Variants in GRIK2 observed in about 807,000 individuals in gnomAD.
GRIK2 encodes the protein glutamate receptor ionotropic, kainate 2.
Under a neutral mutation model 100.3 loss-of-function variants are expected in GRIK2, and 32 were observed. That is an observed-to-expected ratio of 0.32 (90% CI 0.24 to 0.43). GRIK2 has a LOEUF of 0.43. Ranked by LOEUF, GRIK2 falls within the 20% of genes least tolerant of loss-of-function variation. The pLI is 1.00. For missense variants in GRIK2, 843 were observed against 1,114.9 expected (o/e 0.76, Z 3.47); for synonymous variants, 417 against 389.4 (o/e 1.07, Z -0.83).
chr6:101,572,434 A>T (rs1032140640), intron 2 of GRIK2, among the ~76,000 whole-genome samples: 2 of 152,286 alleles, frequency 1.3e-5, no homozygotes, highest in East Asian at 1.9e-4. Context: ...AGTGTGCGTA[A>T]TACAATATGC....
intron 7 of GRIK2, among the ~76,000 whole-genome samples, chr6:101,772,034 A>G (rs1414428553): frequency 6.6e-6 from 1 of 152,154 alleles, no homozygotes; most frequent in Non-Finnish European, 1.5e-5. Context: ...CTTTTAAAGT[A>G]CAGGATAATT....
chr6:101,572,767 T>C (rs1777600290), intron 2 of GRIK2, among the ~76,000 whole-genome samples: 1 of 149,882 alleles, frequency 6.7e-6, no homozygotes, highest in Non-Finnish European at 1.5e-5. Flanking sequence ...TTTTTTTTTT[T>C]TTTTAGAATC....
chr6:101,757,604 C>T (rs1777217814), intron 7 of GRIK2, among the ~76,000 whole-genome samples: 2 of 152,096 alleles, frequency 1.3e-5, no homozygotes, highest in East Asian at 1.9e-4. Context: ...AGGGGATGAG[C>T]GATTCGCCTA....
chr6:101,674,377 G>A (rs979748318), intron 4 of GRIK2, among the ~76,000 whole-genome samples: 1 of 152,188 alleles, frequency 6.6e-6, no homozygotes, highest in Non-Finnish European at 1.5e-5. Context: ...CTGACTTACT[G>A]CAAGAATACT....
At chr6:101,565,980 CTG>C (rs1490755662) in intron 2 of GRIK2, among the ~76,000 whole-genome samples, 33 of 136,314 alleles carry the variant, frequency 2.4e-4, no homozygotes, top group Middle Eastern at 4.0e-3. Context: ...AGAAAAGAAA[CTG>C]TTATTAAAAT....
intron 2 of GRIK2, among the ~76,000 whole-genome samples, chr6:101,540,155 A>T (rs1042334689): frequency 6.6e-6 from 1 of 151,788 alleles, no homozygotes; most frequent in South Asian, 2.1e-4. Flanking sequence ...GAAGATATAC[A>T]TTCTTTTGCA....
chr6:101,758,857 AAAAT>A (rs1417030212), intron 7 of GRIK2, among the ~76,000 whole-genome samples: 1 of 150,850 alleles, frequency 6.6e-6, no homozygotes, highest in East Asian at 1.9e-4. Context: ...TTTTGGAGAC[AAAAT>A]AAATAAACTT....
chr6:101,718,088 G>A (rs1243646554), intron 7 of GRIK2, among the ~76,000 whole-genome samples: 1 of 151,592 alleles, frequency 6.6e-6, no homozygotes, highest in Non-Finnish European at 1.5e-5. Context: ...GATTTACAAT[G>A]TTTATTTTTA....
chr6:101,683,143 C>CA (rs1261338286), intron 6 of GRIK2, among the ~76,000 whole-genome samples: 1 of 151,382 alleles, frequency 6.6e-6, no homozygotes, highest in Admixed American at 6.6e-5. Flanking sequence ...GCGGAGGTTG[C>CA]AGTGAGCCAA....
At chr6:102,044,775 G>A (rs1582779279) in intron 15 of GRIK2, among the ~76,000 whole-genome samples, 1 of 151,944 alleles carries the variant, frequency 6.6e-6, no homozygotes, top group Non-Finnish European at 1.5e-5. Flanking sequence ...ATACAAACAA[G>A]TTGGGTTTCC....
intron 14 of GRIK2, among the ~76,000 whole-genome samples, chr6:101,934,247 C>A (rs141157468): frequency 1.1e-4 from 16 of 151,914 alleles, no homozygotes; most frequent in African/African-American, 3.9e-4. Context: ...CATAAACCAT[C>A]GTTACTCAAA....
chr6:101,423,476 T>C (rs1291674119), intron 2 of GRIK2, among the ~76,000 whole-genome samples: 1 of 152,170 alleles, frequency 6.6e-6, no homozygotes, highest in Non-Finnish European at 1.5e-5. Context: ...ATGTATTTAT[T>C]TTTGAAAGTA....
intron 4 of GRIK2, among the ~76,000 whole-genome samples, chr6:101,657,158 C>T (rs2128331648): frequency 6.6e-6 from 1 of 152,260 alleles, no homozygotes; most frequent in South Asian, 2.1e-4. Context: ...TGTGTCCTCA[C>T]CCAAATCTCA....
chr6:101,808,911 G>GA (rs944010487), intron 9 of GRIK2, among the ~76,000 whole-genome samples: 1 of 150,998 alleles, frequency 6.6e-6, no homozygotes, highest in African/African-American at 2.4e-5. Context: ...TATCCTTTGG[G>GA]AAAATCTTAA....
At chr6:101,674,808 T>G (rs73510639) in intron 4 of GRIK2, among the ~76,000 whole-genome samples, 16,870 of 152,226 alleles carry the variant, frequency 0.11, 1,263 homozygotes, top group East Asian at 0.3. Context: ...AGAAGCTGTA[T>G]AACTTACAGT....
chr6:101,524,402 A>C (rs1775042038), intron 2 of GRIK2, among the ~76,000 whole-genome samples: 1 of 152,032 alleles, frequency 6.6e-6, no homozygotes, highest in Admixed American at 6.6e-5. Flanking sequence ...ATATATATAT[A>C]TATCAATCAC....
chr6:101,710,815 G>A (rs1773650067), intron 7 of GRIK2, among the ~76,000 whole-genome samples: 1 of 151,810 alleles, frequency 6.6e-6, no homozygotes, highest in South Asian at 2.1e-4. Flanking sequence ...TGTGGAAAAA[G>A]TGAGGGAAAT....
chr6:102,016,479 T>G (rs1412698785), intron 14 of GRIK2, among the ~76,000 whole-genome samples: 1 of 151,650 alleles, frequency 6.6e-6, no homozygotes. Context: ...TGTATACATA[T>G]GTAACTAACC....
intron 15 of GRIK2, among the ~76,000 whole-genome samples, chr6:102,050,721 A>G (rs1320356740): frequency 6.6e-6 from 1 of 151,008 alleles, no homozygotes; most frequent in African/African-American, 2.4e-5. Context: ...AAAAAGAAAA[A>G]GGAAAGGGAA....
Sources: gnomAD v4.1 joint callset for allele counts (sites outside exome capture counted in the v4.1 genomes callset) on GRCh38, gnomAD v4.1.1 for gene constraint, MANE v1.5 for transcripts, NCBI Gene and HGNC (gene_info 2026-07-23, HGNC 2026-07-21) for gene names.